The following LRRC37A2 variants were observed in gnomAD, a reference collection of about 807,000 sequenced individuals.
The protein encoded by LRRC37A2 is leucine rich repeat containing 37 member A2.
In LRRC37A2, 9 loss-of-function variants were observed where a neutral mutation model predicts 68.8. That is an observed-to-expected ratio of 0.13 (90% CI 0.08 to 0.23). LRRC37A2 has a LOEUF of 0.23. Ranked by LOEUF, LRRC37A2 falls within the 10% of genes least tolerant of loss-of-function variation. The pLI, the probability that LRRC37A2 is intolerant of heterozygous loss-of-function variation, is 1.00. For missense variants in LRRC37A2, 168 were observed against 950.4 expected (o/e 0.18, Z 10.82); for synonymous variants, 63 against 367.6 (o/e 0.17, Z 9.48).
the LRRC37A2 span, among the ~76,000 whole-genome samples, chr17:46,843,413 G>A: frequency 2.6e-5 from 4 of 151,804 alleles, no homozygotes; most frequent in African/African-American, 4.8e-5. Flanking sequence ...TATTCCATTC[G>A]TTAAAGTGAA....
At chr17:47,010,671 A>T in the LRRC37A2 span, 1 of 152,232 alleles carries the variant, frequency 6.6e-6, no homozygotes, top group South Asian at 2.1e-4. Flanking sequence ...TTAGGTGGCG[A>T]GGAACAGGAG....
chr17:46,722,598 A>G, the LRRC37A2 span, among the ~76,000 whole-genome samples: 1 of 152,142 alleles, frequency 6.6e-6, no homozygotes, highest in Non-Finnish European at 1.5e-5. Flanking sequence ...AACTCTGAGT[A>G]TCTTCTTAGT....
chr17:46,974,100 T>C, the LRRC37A2 span, among the ~76,000 whole-genome samples: 1 of 152,202 alleles, frequency 6.6e-6, no homozygotes, highest in Non-Finnish European at 1.5e-5. Context: ...GGGGACATCT[T>C]GCTGGTGAAG....
the LRRC37A2 span, among the ~76,000 whole-genome samples, chr17:46,954,645 T>C: frequency 4.6e-5 from 7 of 152,254 alleles, no homozygotes; most frequent in Admixed American, 2.6e-4. Flanking sequence ...ATATTGATTC[T>C]TCCTACCCAT....
chr17:46,506,310 T>TA, the LRRC37A2 span, among the ~76,000 whole-genome samples: 1 of 80,460 alleles, frequency 1.2e-5, no homozygotes, highest in Admixed American at 1.2e-4. Flanking sequence ...GGAGCCAGAT[T>TA]ATCTGTACCA....
chr17:46,817,284 G>A, the LRRC37A2 span, among the ~76,000 whole-genome samples: 12 of 152,308 alleles, frequency 7.9e-5, no homozygotes, highest in African/African-American at 1.9e-4. Flanking sequence ...AGGCGGTACC[G>A]CACCGTGGTG....
chr17:46,936,066 G>A, the LRRC37A2 span: 4,157 of 985,808 alleles, frequency 4.2e-3, 16 homozygotes, highest in Non-Finnish European at 4.8e-3. Flanking sequence ...ACGGGGGAGA[G>A]GGTCAGGCAA....
chr17:46,610,998 C>CA, the LRRC37A2 span, among the ~76,000 whole-genome samples: 4 of 110,874 alleles, frequency 3.6e-5, no homozygotes, highest in Non-Finnish European at 4.8e-5. Flanking sequence ...CAGAATTTAC[C>CA]AAAAAAAATT....
chr17:46,737,597 G>A, the LRRC37A2 span, among the ~76,000 whole-genome samples: 1 of 151,830 alleles, frequency 6.6e-6, no homozygotes, highest in South Asian at 2.1e-4. Context: ...GTGTGTGTGT[G>A]TGTGTGTTTT....
At chr17:46,935,516 T>C in the LRRC37A2 span, 1 of 1,297,036 alleles carries the variant, frequency 7.7e-7, no homozygotes, top group Non-Finnish European at 9.8e-7. Context: ...AATGAAGACG[T>C]GGCTGTCCTT....
At chr17:46,774,102 A>AG in the LRRC37A2 span, among the ~76,000 whole-genome samples, 834 of 152,378 alleles carry the variant, frequency 5.5e-3, 10 homozygotes, top group African/African-American at 0.019. Flanking sequence ...CACGCAAGTC[A>AG]GCCCTCTGGC....
the LRRC37A2 span, chr17:46,948,543 C>T: frequency 6.6e-6 from 1 of 152,242 alleles, no homozygotes; most frequent in Non-Finnish European, 1.5e-5. Flanking sequence ...TTAGGACTTG[C>T]TCACTCCCTC....
At chr17:46,739,758 G>A in the LRRC37A2 span, among the ~76,000 whole-genome samples, 3 of 151,562 alleles carry the variant, frequency 2.0e-5, no homozygotes, top group Non-Finnish European at 4.4e-5. Flanking sequence ...GAGTGCAGTG[G>A]CGCGATCTCA....
At chr17:46,845,299 G>GC in the LRRC37A2 span, among the ~76,000 whole-genome samples, 1 of 151,982 alleles carries the variant, frequency 6.6e-6, no homozygotes, top group Non-Finnish European at 1.5e-5. Flanking sequence ...GCTGCTCCGT[G>GC]CCACCTGCCC....
the LRRC37A2 span, among the ~76,000 whole-genome samples, chr17:46,691,729 A>AT: frequency 6.6e-6 from 1 of 151,518 alleles, no homozygotes; most frequent in Admixed American, 6.6e-5. Flanking sequence ...GGTTATGTTC[A>AT]TTTTTTACCA....
At chr17:46,723,739 C>T in the LRRC37A2 span, among the ~76,000 whole-genome samples, 5 of 152,200 alleles carry the variant, frequency 3.3e-5, no homozygotes, top group African/African-American at 4.8e-5. Flanking sequence ...TCCTCCTAAA[C>T]ATCTCTAGAT....
the LRRC37A2 span, among the ~76,000 whole-genome samples, chr17:46,849,863 T>TTTTTTTTTA: frequency 6.6e-6 from 1 of 151,778 alleles, no homozygotes; most frequent in Admixed American, 6.6e-5. Context: ...TTTTTTTTGT[T>TTTTTTTTTA]TTGAGATGGA....
At chr17:46,456,210 A>G in the LRRC37A2 span, among the ~76,000 whole-genome samples, 130 of 90,122 alleles carry the variant, frequency 1.4e-3, 2 homozygotes, top group South Asian at 4.5e-3. Context: ...TCCATGGGAT[A>G]TGTGTGTGTG....
the LRRC37A2 span, among the ~76,000 whole-genome samples, chr17:46,977,887 T>TATTATTAGA: frequency 6.6e-6 from 1 of 152,258 alleles, no homozygotes; most frequent in Admixed American, 6.5e-5. Context: ...CATATTAGAC[T>TATTATTAGA]CATATATCCA....
Sources: allele counts gnomAD v4.1 joint callset (sites outside exome capture counted in the v4.1 genomes callset), GRCh38; gene constraint gnomAD v4.1.1; transcripts MANE v1.5; gene names NCBI Gene and HGNC (gene_info 2026-07-23, HGNC 2026-07-21).